Variants in ASTN2 observed in about 807,000 individuals in gnomAD.
The protein encoded by ASTN2 is astrotactin 2.
ASTN2 carries 54 observed loss-of-function variants against 139.8 expected under a neutral mutation model. The ratio of observed to expected loss-of-function variants is 0.39; its 90% CI spans 0.31 to 0.48. ASTN2 has a LOEUF of 0.48. Among genes scored for constraint, ASTN2 ranks in the 20% least tolerant of loss-of-function variants. The probability of loss-of-function intolerance (pLI) is 0.95; values close to 1 mark genes in which losing one functional copy is unlikely to be tolerated. For synonymous variants in ASTN2, 756 were observed against 719.5 expected, an observed-to-expected ratio of 1.05 and a Z score of -0.81; for missense variants, 1,565 against 1,725.1, an observed-to-expected ratio of 0.91 and a Z score of 1.64.
chr9:117,064,223 G>C (rs534054275), intron 5 of ASTN2, among the ~76,000 whole-genome samples: 3 of 152,000 alleles, frequency 2.0e-5, no homozygotes, highest in Admixed American at 6.6e-5. Flanking sequence ...TTAGAGAGCT[G>C]TTATCACGGT....
At chr9:116,750,289 T>G (rs536750739) in intron 13 of ASTN2, among the ~76,000 whole-genome samples, 1 of 152,340 alleles carries the variant, frequency 6.6e-6, no homozygotes, top group African/African-American at 2.4e-5. Flanking sequence ...ATAAAGAACT[T>G]TTTTGAATGT....
chr9:117,242,714 G>A (rs1833252584), intron 2 of ASTN2, among the ~76,000 whole-genome samples: 1 of 152,182 alleles, frequency 6.6e-6, no homozygotes, highest in African/African-American at 2.4e-5. Flanking sequence ...CTGTTCCAGA[G>A]GCATGATAAG....
chr9:117,151,717 C>A (rs1286306605), intron 3 of ASTN2, among the ~76,000 whole-genome samples: 1 of 152,046 alleles, frequency 6.6e-6, no homozygotes, highest in Non-Finnish European at 1.5e-5. Flanking sequence ...GAGAAAGGGG[C>A]AAGGGTTATA....
chr9:117,396,223 G>A (rs1830672210), intron 1 of ASTN2, among the ~76,000 whole-genome samples: 1 of 152,162 alleles, frequency 6.6e-6, no homozygotes, highest in Admixed American at 6.5e-5. Context: ...AAACTGCTAT[G>A]ACTTAATGCC....
chr9:116,813,074 TTC>T (rs1831211076), intron 12 of ASTN2, among the ~76,000 whole-genome samples: 1 of 152,196 alleles, frequency 6.6e-6, no homozygotes, highest in African/African-American at 2.4e-5. Context: ...CTTTAGAACA[TTC>T]TGTCATCTGG....
intron 4 of ASTN2, among the ~76,000 whole-genome samples, chr9:117,138,190 C>T (rs1426844706): frequency 6.6e-6 from 1 of 152,034 alleles, no homozygotes; most frequent in Non-Finnish European, 1.5e-5. Flanking sequence ...TGAACTACTA[C>T]TGTGGAAGAA....
chr9:117,258,364 C>G (rs146782580), intron 2 of ASTN2, among the ~76,000 whole-genome samples: 1 of 152,274 alleles, frequency 6.6e-6, no homozygotes, highest in East Asian at 1.9e-4. Flanking sequence ...ATTGTTACCA[C>G]GCAGCTCAGC....
chr9:116,765,436 T>TTA (rs1414573634), intron 13 of ASTN2, among the ~76,000 whole-genome samples: 1 of 152,172 alleles, frequency 6.6e-6, no homozygotes, highest in Non-Finnish European at 1.5e-5. Flanking sequence ...AGTTTGACCT[T>TTA]TCTTAAGGGT....
intron 3 of ASTN2, among the ~76,000 whole-genome samples, chr9:117,178,368 G>A (rs1238775463): frequency 6.6e-6 from 1 of 152,216 alleles, no homozygotes; most frequent in Non-Finnish European, 1.5e-5. Context: ...AAGGAAAGGA[G>A]ATGGGTAGGG....
At chr9:117,164,992 A>G (rs1830636597) in intron 3 of ASTN2, among the ~76,000 whole-genome samples, 2 of 152,072 alleles carry the variant, frequency 1.3e-5, no homozygotes, top group African/African-American at 4.8e-5. Flanking sequence ...GAAGGCTACC[A>G]CACTTCCCCC....
At chr9:116,803,295 A>G (rs927067692) in intron 13 of ASTN2, among the ~76,000 whole-genome samples, 3 of 146,116 alleles carry the variant, frequency 2.1e-5, no homozygotes, top group Admixed American at 1.4e-4. Context: ...TTTTTCCCAG[A>G]GCTTTTCCTG....
At chr9:116,462,584 A>C (rs1457162721) in intron 20 of ASTN2, among the ~76,000 whole-genome samples, 1 of 152,178 alleles carries the variant, frequency 6.6e-6, no homozygotes, top group Non-Finnish European at 1.5e-5. Flanking sequence ...TCTGAAATGA[A>C]AGTTCAATGC....
At chr9:117,405,285 A>G (rs1181534836) in intron 1 of ASTN2, among the ~76,000 whole-genome samples, 4 of 152,246 alleles carry the variant, frequency 2.6e-5, no homozygotes, top group Admixed American at 2.6e-4. Context: ...GGAACCAGGC[A>G]GACCTGGATT....
At chr9:116,685,914 C>T (rs1860175883) in intron 16 of ASTN2, among the ~76,000 whole-genome samples, 1 of 151,058 alleles carries the variant, frequency 6.6e-6, no homozygotes, top group Non-Finnish European at 1.5e-5. Context: ...ATATGTAAGA[C>T]TATGAACAGT....
At chr9:117,000,143 A>G (rs1234571049) in intron 7 of ASTN2, among the ~76,000 whole-genome samples, 1 of 152,248 alleles carries the variant, frequency 6.6e-6, no homozygotes, top group African/African-American at 2.4e-5. Context: ...TCCACCATAT[A>G]TTATCCACTG....
rs568239258 is a variant in ASTN2 at position 117,265,459 on chromosome 9, G to T, written c.630+25867C>A. Among the ~76,000 whole-genome samples, 12 of 152,288 alleles carry T rather than the reference G, an allele frequency of 7.9e-5. No homozygotes were observed. In the East Asian group the frequency reaches 2.3e-3, roughly 29 times the overall value. On this transcript the variant is annotated intron_variant, in intron 2 of 22. Transcript: ENST00000313400. ...CCAGGCATGGGCAGAGGGGTACCGA[G>T]CTGCCAAAGAACCTCTAGCCAAAGA... is the stretch of plus-strand genomic sequence containing the variant.
At chr9:117,060,648 C>T (rs1839262369) in intron 5 of ASTN2, among the ~76,000 whole-genome samples, 1 of 151,648 alleles carries the variant, frequency 6.6e-6, no homozygotes, top group Admixed American at 6.6e-5. Flanking sequence ...AATCTCAGCA[C>T]TTTGGGAGGC....
intron 16 of ASTN2, among the ~76,000 whole-genome samples, chr9:116,718,972 G>GTGTGTGTGTGTATATATA (rs56991546): frequency 6.0e-5 from 6 of 100,048 alleles, no homozygotes; most frequent in African/African-American, 2.3e-4. Flanking sequence ...ACCTGTATCT[G>GTGTGTGTGTGTATATATA]TACATATATA....
intron 17 of ASTN2, 140 bp downstream of exon 17, chr9:116,651,388 A>G: frequency 1.0e-6 from 1 of 982,284 alleles, no homozygotes. Context: ...CATGGTAAGG[A>G]ATCAATAAAT....
Sources: allele counts gnomAD v4.1 joint callset (sites outside exome capture counted in the v4.1 genomes callset), GRCh38; gene constraint gnomAD v4.1.1; transcripts MANE v1.5; gene names NCBI Gene and HGNC (gene_info 2026-07-23, HGNC 2026-07-21).